ZNF589: variants seen among roughly 807,000 people sequenced by gnomAD.
ZNF589 encodes the protein KRAB-zinc finger protein SZF1-1.
ZNF589 carries 17 observed loss-of-function variants against 13.6 expected under a neutral mutation model. The observed-to-expected ratio is 1.25, with a 90% CI of 0.86 to 1.88. ZNF589 has a LOEUF of 1.88. Among genes scored for constraint, ZNF589 ranks in the 40% most tolerant of loss-of-function variants. The pLI is 0.00. For synonymous variants in ZNF589, 148 were observed against 161.6 expected (o/e 0.92, Z 0.64); for missense variants, 407 against 434.0 (o/e 0.94, Z 0.55).
chr3:48,268,103 A>AG lies in ZNF589; in HGVS notation c.418dup (p.Ala140GlyfsTer2), dbSNP rs764544661. On this transcript the variant is annotated frameshift_variant, in exon 4 of 4. Transcript: ENST00000354698. LOFTEE classifies it low-confidence loss of function (END_TRUNC). ...ACAACATCCTTCTGATAAAAATCAC[A>AG]GGGGGGCTGAAGCAGAAGATCAACG... 5.0e-6 allele frequency: 8 copies of AG among 1,614,182 alleles called. No homozygotes were observed. Among genetic ancestry groups the AG allele is most frequent in the South Asian group, 4.4e-5 (4 of 91,080 alleles).
intron 3 of ZNF589, among the ~76,000 whole-genome samples, chr3:48,264,626 C>T (rs1190085035): frequency 6.6e-6 from 1 of 151,512 alleles, no homozygotes; most frequent in African/African-American, 2.4e-5. Flanking sequence ...CTCAGGAGTT[C>T]GAGACCAGCC....
At chr3:48,246,842 G>C (rs2033772625) in intron 1 of ZNF589, among the ~76,000 whole-genome samples, 1 of 150,794 alleles carries the variant, frequency 6.6e-6, no homozygotes, top group Non-Finnish European at 1.5e-5. Context: ...CTAATTTTTT[G>C]TATTTTCAGT....
chr3:48,243,747 G>A (rs967429853), intron 1 of ZNF589, among the ~76,000 whole-genome samples: 4 of 150,882 alleles, frequency 2.7e-5, no homozygotes, highest in Non-Finnish European at 4.4e-5. Context: ...AGCTTAGATC[G>A]CGCCACTGTA....
In ZNF589 at chr3:48,268,969, C is replaced by T. The variant is rs1029860198; in HGVS notation, c.*183C>T. 5 of 919,036 alleles carry T rather than the reference C, an allele frequency of 5.4e-6. No homozygotes were observed. The highest frequency in any genetic ancestry group is 1.7e-5 in the African/African-American group (1 of 60,304). The allele number at this position is 919,036 out of a possible 1,614,324, so 56.9% of individuals were successfully genotyped here. On this transcript the variant is annotated 3_prime_UTR_variant, in exon 4 of 4. Coordinates refer to ENST00000354698, the MANE Select transcript of ZNF589 (RefSeq NM_016089.3). The stretch of plus-strand genomic sequence containing the variant: ...GTGAGGAGTGTGGGCATGGATTTAG[C>T]CAGAAGTCGTCGCTCAAATCACATC...
At chr3:48,250,144 C>A (rs2033821179) in intron 2 of ZNF589, among the ~76,000 whole-genome samples, 1 of 150,970 alleles carries the variant, frequency 6.6e-6, no homozygotes, top group Non-Finnish European at 1.5e-5. Context: ...AAAAAAAATA[C>A]AATTTATTAT....
chr3:48,264,897 G>A (rs887121022), intron 3 of ZNF589, among the ~76,000 whole-genome samples: 5 of 152,158 alleles, frequency 3.3e-5, no homozygotes, highest in Non-Finnish European at 7.4e-5. Context: ...CCATTCTTCT[G>A]TTCCTGCTTC....
intron 1 of ZNF589, 78 bp downstream of exon 1, chr3:48,241,292 C>T: frequency 1.3e-6 from 2 of 1,555,578 alleles, no homozygotes; most frequent in South Asian, 1.2e-5. Flanking sequence ...GCCGTATCCA[C>T]CAGGGATGCG....
At chr3:48,255,324 C>T (rs1002743960) in intron 2 of ZNF589, among the ~76,000 whole-genome samples, 12 of 150,186 alleles carry the variant, frequency 8.0e-5, no homozygotes, top group East Asian at 2.0e-4. Flanking sequence ...TACAGGTGTG[C>T]GCCACCACGC....
intron 3 of ZNF589, among the ~76,000 whole-genome samples, chr3:48,263,987 TCTGCATTCTTAGAATATACCA>T (rs2033994606): frequency 6.6e-6 from 1 of 152,202 alleles, no homozygotes; most frequent in Non-Finnish European, 1.5e-5. Flanking sequence ...TGGGTCTAGT[TCTGCATTCTTAGAATATACCA>T]GTGATATGTA....
intron 3 of ZNF589, among the ~76,000 whole-genome samples, chr3:48,267,559 G>A (rs1205942459): frequency 3.3e-5 from 5 of 152,096 alleles, no homozygotes; most frequent in Non-Finnish European, 7.4e-5. Flanking sequence ...ACTCCACCCA[G>A]CTAATTTTTG....
At chr3:48,249,156 G>A (rs2033805767) in intron 2 of ZNF589, among the ~76,000 whole-genome samples, 1 of 150,640 alleles carries the variant, frequency 6.6e-6, no homozygotes, top group Non-Finnish European at 1.5e-5. Context: ...AGGCTGGAGT[G>A]CAATGGCATG....
At position 48,268,036 on chromosome 3, in the gene ZNF589, A is replaced by G. The variant is rs752971364; in HGVS notation, c.345A>G (p.Gln115=). 5.7e-5 allele frequency: 92 copies of G among 1,614,074 alleles called. No individual in the cohort carries two copies. Among genetic ancestry groups the G allele is most frequent in the Non-Finnish European group, 7.4e-5 (87 of 1,180,038 alleles). The change falls in exon 4 of 4, where the codon CAA becomes CAG. Residue 115 remains glutamine (Q), a synonymous_variant. Transcript: ENST00000354698. ...HPIPGFHAGN[Q]LHPGNPCPED... ...TTCCAGGTTTCCATGCAGGAAATCA[A>G]CTCCACCCAGGAAATCCCTGCCCAG...
intron 3 of ZNF589, among the ~76,000 whole-genome samples, chr3:48,264,197 C>CT (rs1386920935): frequency 1.3e-5 from 2 of 151,920 alleles, no homozygotes; most frequent in African/African-American, 4.8e-5. Context: ...TATGGACTTT[C>CT]TTTTTTTTAA....
intron 2 of ZNF589, chr3:48,256,871 G>GGT: frequency 9.7e-7 from 1 of 1,026,694 alleles, no homozygotes; most frequent in Non-Finnish European, 1.5e-6. Context: ...GCTGGTCACT[G>GGT]CTGGGCCTGC....
At chr3:48,256,348 G>T in intron 2 of ZNF589, 2 of 534,298 alleles carry the variant, frequency 3.7e-6, no homozygotes, top group South Asian at 2.9e-5. Flanking sequence ...TTCTGTCTGT[G>T]AGTGATACAG....
chr3:48,267,887 C>A, intron 3 of ZNF589, 28 bp from the exon 4 acceptor site: 1 of 1,580,466 alleles, frequency 6.3e-7, no homozygotes, highest in Non-Finnish European at 8.6e-7. Flanking sequence ...TCCTATGACT[C>A]TTCTGACTGG....
intron 1 of ZNF589, among the ~76,000 whole-genome samples, chr3:48,243,605 A>G (rs1037402093): frequency 6.6e-6 from 1 of 152,062 alleles, no homozygotes; most frequent in Non-Finnish European, 1.5e-5. Context: ...TGAGGTCAGG[A>G]GTTCGAGACC....
At chr3:48,257,084 G>T (rs2033912023) in intron 2 of ZNF589, 1 of 476,666 alleles carries the variant, frequency 2.1e-6, no homozygotes, top group South Asian at 1.6e-5. Flanking sequence ...AGGGGGTATT[G>T]TATCTCTGTG....
Position 48,270,161 on chromosome 3 carries a change from TTCCTC to T in ZNF589, c.*1380_*1384del, listed in dbSNP as rs1375771592. ...TTTCTACATCTCTAGCCTTTGCTGT[TTCCTC>T]TCCTACCCCACCTTTAGATTTTACT... is the stretch of plus-strand genomic sequence containing the variant. On this transcript the variant is annotated 3_prime_UTR_variant, in exon 4 of 4. Transcript: ENST00000354698. The T allele has an allele frequency of 8.8e-6, 4 of 457,020 alleles. No homozygotes were observed. Among genetic ancestry groups the T allele is most frequent in the Middle Eastern group, 3.2e-4 (1 of 3,102 alleles). 28.3% of individuals were successfully genotyped at this position (457,020 alleles called of 1,614,324 possible). A position where few individuals can be genotyped will look rare whatever the true frequency, so the allele number is the denominator to read the frequency against.
Sources: gnomAD v4.1 joint callset for allele counts (sites outside exome capture counted in the v4.1 genomes callset) on GRCh38, gnomAD v4.1.1 for gene constraint, MANE v1.5 for transcripts, NCBI Gene and HGNC (gene_info 2026-07-23, HGNC 2026-07-21) for gene names.